NCAM1: variants seen among roughly 807,000 people sequenced by gnomAD.
The protein encoded by NCAM1 is neural cell adhesion molecule 1, also known as antigen recognized by monoclonal antibody 5.1H11.
In NCAM1, 14 loss-of-function variants were observed where a neutral mutation model predicts 109.8. That is an observed-to-expected ratio of 0.13 (90% CI 0.08 to 0.20). NCAM1 has a LOEUF of 0.20. NCAM1 is among the 10% of genes least tolerant of loss of function. NCAM1 has a pLI of 1.00. For synonymous variants in NCAM1, 418 were observed against 442.9 expected, an observed-to-expected ratio of 0.94 and a Z score of 0.70; for missense variants, 774 against 1,109.9, an observed-to-expected ratio of 0.70 and a Z score of 4.30.
At chr11:113,137,203 C>A (rs1423673698) in intron 1 of NCAM1, among the ~76,000 whole-genome samples, 2 of 152,114 alleles carry the variant, frequency 1.3e-5, no homozygotes, top group African/African-American at 4.8e-5. Flanking sequence ...CCTTCAAGAC[C>A]AGCAAATAAA....
chr11:113,185,079 T>TATATAGAGAG, intron 1 of NCAM1, among the ~76,000 whole-genome samples: 11 of 125,748 alleles, frequency 8.7e-5, no homozygotes, highest in African/African-American at 3.2e-4. Flanking sequence ...TATATATATA[T>TATATAGAGAG]AGAGAGAGAG....
intron 1 of NCAM1, among the ~76,000 whole-genome samples, chr11:113,076,213 G>C (rs890487707): frequency 3.9e-5 from 6 of 152,138 alleles, no homozygotes; most frequent in African/African-American, 7.2e-5. Context: ...TGAGGGGAAA[G>C]TTCTTGCTTC....
chr11:113,275,134 C>A, intron 19 of NCAM1, 133 bp from the exon 20 acceptor site: 1 of 1,197,518 alleles, frequency 8.4e-7, no homozygotes, highest in Non-Finnish European at 1.1e-6. Flanking sequence ...GGTGATTTGA[C>A]GGGCAGAGGT....
chr11:113,255,713 C>A (rs1224362847), intron 15 of NCAM1, among the ~76,000 whole-genome samples, 164 bp from the exon 16 acceptor site: 1 of 151,446 alleles, frequency 6.6e-6, no homozygotes, highest in Non-Finnish European at 1.5e-5. Context: ...CAGTCTGAGG[C>A]ATCTACCTGG....
At chr11:113,159,667 G>A (rs782332999) in intron 1 of NCAM1, among the ~76,000 whole-genome samples, 4 of 151,746 alleles carry the variant, frequency 2.6e-5, no homozygotes, top group Non-Finnish European at 5.9e-5. Context: ...TTTCTTTATA[G>A]TCAAAGCAAA....
intron 1 of NCAM1, among the ~76,000 whole-genome samples, chr11:113,137,865 C>G (rs1440217275): frequency 6.6e-6 from 1 of 152,168 alleles, no homozygotes; most frequent in African/African-American, 2.4e-5. Context: ...GTTCGGAAAT[C>G]ATTCTTGTTC....
chr11:113,205,740 G>A, intron 4 of NCAM1, 74 bp downstream of exon 4: 1 of 1,532,798 alleles, frequency 6.5e-7, no homozygotes, highest in African/African-American at 1.4e-5. Context: ...CCTGTACTGA[G>A]GCATTCCAGT....
At chr11:113,203,274 C>T (rs1391434282) in intron 2 of NCAM1, among the ~76,000 whole-genome samples, 4 of 152,308 alleles carry the variant, frequency 2.6e-5, no homozygotes, top group Admixed American at 6.5e-5. Flanking sequence ...TTGTGGCCGT[C>T]GGATGTGTTC....
At chr11:113,181,862 A>G (rs1943345640) in intron 1 of NCAM1, among the ~76,000 whole-genome samples, 3 of 152,164 alleles carry the variant, frequency 2.0e-5, no homozygotes. Flanking sequence ...TTGACATACA[A>G]GCCTCCAGAG....
chr11:113,107,209 G>T (rs1555092721), intron 1 of NCAM1, among the ~76,000 whole-genome samples: 1 of 152,126 alleles, frequency 6.6e-6, no homozygotes, highest in African/African-American at 2.4e-5. Flanking sequence ...AAATACTGGG[G>T]TTCTTGTTCC....
intron 1 of NCAM1, among the ~76,000 whole-genome samples, chr11:112,975,671 G>A (rs1294740651): frequency 1.3e-5 from 2 of 151,886 alleles, no homozygotes; most frequent in Non-Finnish European, 2.9e-5. Flanking sequence ...TTTCTTTGAA[G>A]ATAAGGGATT....
intron 1 of NCAM1, among the ~76,000 whole-genome samples, chr11:113,181,219 C>T (rs1414119132): frequency 6.6e-6 from 1 of 152,118 alleles, no homozygotes; most frequent in South Asian, 2.1e-4. Flanking sequence ...TGGGAGAGCC[C>T]TGGGCAGCCT....
At chr11:113,038,376 T>G (rs1952960078) in intron 1 of NCAM1, among the ~76,000 whole-genome samples, 1 of 152,188 alleles carries the variant, frequency 6.6e-6, no homozygotes, top group Non-Finnish European at 1.5e-5. Context: ...CCTGATTATT[T>G]GTAGTTGAAA....
intron 7 of NCAM1, among the ~76,000 whole-genome samples, chr11:113,209,613 G>A (rs2136967672): frequency 6.6e-6 from 1 of 152,270 alleles, no homozygotes; most frequent in African/African-American, 2.4e-5. Context: ...GCACAAAGAG[G>A]GAGATAAATG....
intron 1 of NCAM1, among the ~76,000 whole-genome samples, chr11:112,993,274 A>AG (rs1951512596): frequency 6.6e-6 from 1 of 152,160 alleles, no homozygotes; most frequent in African/African-American, 2.4e-5. Context: ...AAAAGGGTAC[A>AG]GGCATATCAC....
chr11:113,180,340 G>A (rs1312495906), intron 1 of NCAM1, among the ~76,000 whole-genome samples: 2 of 152,238 alleles, frequency 1.3e-5, no homozygotes, highest in African/African-American at 4.8e-5. Flanking sequence ...GTATTGAAAG[G>A]CAGGAGAAAG....
chr11:113,040,204 CTGTT>C (rs1419866659), intron 1 of NCAM1, among the ~76,000 whole-genome samples: 1 of 151,926 alleles, frequency 6.6e-6, no homozygotes, highest in East Asian at 1.9e-4. Context: ...TACCTTTTTG[CTGTT>C]GTTTTACTGA....
intron 1 of NCAM1, among the ~76,000 whole-genome samples, chr11:113,167,686 G>A (rs1372557542): frequency 2.6e-5 from 4 of 152,104 alleles, no homozygotes; most frequent in Non-Finnish European, 4.4e-5. Flanking sequence ...GAGAAGTGAG[G>A]TCCCACTCCA....
intron 14 of NCAM1, among the ~76,000 whole-genome samples, chr11:113,235,992 G>A (rs977322906): frequency 2.6e-5 from 4 of 152,188 alleles, no homozygotes; most frequent in African/African-American, 7.2e-5. Flanking sequence ...TGTTCACAGA[G>A]TTCCCTGGGC....
Sources: allele counts gnomAD v4.1 joint callset (sites outside exome capture counted in the v4.1 genomes callset), GRCh38; gene constraint gnomAD v4.1.1; transcripts MANE v1.5; gene names NCBI Gene and HGNC (gene_info 2026-07-23, HGNC 2026-07-21).